KIF22: variants seen among roughly 807,000 people sequenced by gnomAD.
The protein encoded by KIF22 is kinesin family member 22.
KIF22 carries 62 observed loss-of-function variants against 73.0 expected under a neutral mutation model. The observed-to-expected ratio is 0.85, with a 90% CI of 0.69 to 1.05. The LOEUF (loss-of-function observed/expected upper bound fraction) is 1.05, where lower values mean the gene tolerates loss of function less well. Ranked by LOEUF, KIF22 falls within the 50% of genes least tolerant of loss-of-function variation. The pLI, the probability that KIF22 is intolerant of heterozygous loss-of-function variation, is 0.00. For synonymous variants in KIF22, 411 were observed against 340.1 expected, an observed-to-expected ratio of 1.21 and a Z score of -2.29; for missense variants, 854 against 870.1, an observed-to-expected ratio of 0.98 and a Z score of 0.23.
chr16:29,799,210 C>T, intron 5 of KIF22, 26 bp downstream of exon 5: 1 of 1,611,318 alleles, frequency 6.2e-7, no homozygotes, highest in Non-Finnish European at 8.5e-7. Flanking sequence ...GGGGCGAGGA[C>T]CTGGGAAGCC....
intron 1 of KIF22, among the ~76,000 whole-genome samples, chr16:29,791,927 C>T (rs1357976392): frequency 6.6e-6 from 1 of 152,174 alleles, no homozygotes; most frequent in Non-Finnish European, 1.5e-5. Flanking sequence ...AATAATGTCC[C>T]TTCCTCGAGG....
chr16:29,798,287 ACCC>A lies in KIF22; in HGVS notation c.267-86_267-84del. 1.2e-5 allele frequency: 7 copies of A among 590,638 alleles called. No individual in the cohort carries two copies. The highest frequency in any genetic ancestry group is 5.3e-5 in the East Asian group (1 of 18,784). The allele number at this position is 590,638 out of a possible 1,614,324, so 36.6% of individuals were successfully genotyped here. A position where few individuals can be genotyped will look rare whatever the true frequency, so the allele number is the denominator to read the frequency against. On this transcript the variant is annotated intron_variant, in intron 2 of 13. Transcript: ENST00000160827. The surrounding 1 kb of genome is among the most constrained non-coding windows in gnomAD (Gnocchi z 4.1). ...GGTCCAGATGAGAGTAGAATCCCTT[ACCC>A]ACCCCCACCCCACTCCACCCCTTAC...
chr16:29,803,623 A>G lies in KIF22; in HGVS notation c.1609+15A>G, dbSNP rs781602419. ...CCTACAGCTAAGTAAGTTTGACTCCAGGGGCTGGGGGGCCAAGGCAGCTGA... is the reference window on the plus strand; with the variant it reads ...CCTACAGCTAAGTAAGTTTGACTCCGGGGGCTGGGGGGCCAAGGCAGCTGA... On this transcript the variant is annotated intron_variant, in intron 10 of 13. Coordinates refer to ENST00000160827, the MANE Select transcript of KIF22 (RefSeq NM_007317.3). The G allele has an allele frequency of 6.3e-7, 1 of 1,596,488 alleles. No individual in the cohort carries two copies. Among genetic ancestry groups the G allele is most frequent in the Non-Finnish European group, 8.5e-7 (1 of 1,170,994 alleles).
At position 29,797,020 on chromosome 16, in the gene KIF22, G is replaced by A. The variant is rs1007421772; in HGVS notation, c.198G>A (p.Val66=). 1.9e-5 allele frequency: 31 copies of A among 1,613,538 alleles called. No individual in the cohort carries two copies. Among genetic ancestry groups the A allele is most frequent in the Non-Finnish European group, 2.5e-5 (30 of 1,179,748 alleles). ...CGGGAGCAAGTGATCCCCCCTGTGT[G>A]CGGGGCATGGACAGCTGCTCTCTAG... The part of the protein sequence containing the change: ...GTAGASDPPC[V]RGMDSCSLEI... The change falls in exon 2 of 14, where the codon GTG becomes GTA. Residue 66 remains valine, a synonymous_variant. Coordinates refer to ENST00000160827, the MANE Select transcript of KIF22 (RefSeq NM_007317.3). This position sits in a 1 kb window ranked among gnomAD's most constrained non-coding sequence, Gnocchi z 4.1.
In KIF22 at chr16:29,798,747, G is replaced by A; in HGVS notation, c.549G>A (p.Lys183=). The change falls in exon 4 of 14, where the codon AAG becomes AAA. Residue 183 remains lysine, a splice_region_variant and synonymous_variant. Coordinates refer to ENST00000160827, the MANE Select transcript of KIF22 (RefSeq NM_007317.3). The surrounding 1 kb of genome is among the most constrained non-coding windows in gnomAD (Gnocchi z 4.1). ...CTTACCTAGAGATCTACCAGGAGAA[G>A]GTGAGGCCCCGTGCTGGTTGGGAGA... ...TMSYLEIYQE[K]VLDLLDPASG... is the part of the protein sequence containing the mutation. 1 of 1,613,566 alleles carries A rather than the reference G, an allele frequency of 6.2e-7. No homozygotes were observed. The highest frequency in any genetic ancestry group is 8.5e-7 in the Non-Finnish European group (1 of 1,179,726).
chr16:29,799,619 C>T lies in KIF22; in HGVS notation c.991-9C>T. On this transcript the variant is annotated splice_polypyrimidine_tract_variant and intron_variant, in intron 6 of 13. Transcript: ENST00000160827. The stretch of plus-strand genomic sequence containing the variant: ...TTCTGACCCACCCACTGCCTGGTCT[C>T]ACCCTCAGGACTCTCTGGGTGGCTC... 1 of 1,614,000 alleles carries T rather than the reference C, an allele frequency of 6.2e-7. No individual in the cohort carries two copies.
chr16:29,798,788 C>A lies in KIF22; in HGVS notation c.549+41C>A. The stretch of plus-strand genomic sequence containing the variant: ...GGTTGGGAGAGGAGCAACAAAGGGT[C>A]AAAGTAAGACCTGGTTCTAGAACAT... On this transcript the variant is annotated intron_variant, in intron 4 of 13. Coordinates refer to ENST00000160827, the MANE Select transcript of KIF22 (RefSeq NM_007317.3). The surrounding 1 kb of genome is among the most constrained non-coding windows in gnomAD (Gnocchi z 4.1). The A allele has an allele frequency of 6.2e-7, 1 of 1,601,284 alleles. No homozygotes were observed. The highest frequency in any genetic ancestry group is 1.1e-5 in the South Asian group (1 of 89,482).
intron 8 of KIF22, among the ~76,000 whole-genome samples, 178 bp from the exon 9 acceptor site, chr16:29,802,591 G>A (rs541859659): frequency 5.3e-4 from 81 of 152,220 alleles, no homozygotes; most frequent in African/African-American, 1.8e-3. Context: ...TGGCATCCCC[G>A]AGCAGTCACT....
intron 8 of KIF22, among the ~76,000 whole-genome samples, chr16:29,801,300 C>T (rs762543826): frequency 6.6e-5 from 10 of 152,184 alleles, no homozygotes; most frequent in Non-Finnish European, 8.8e-5. Flanking sequence ...CCCTCCACCC[C>T]CCAGGAGCCA....
At chr16:29,792,143 G>A (rs889073115) in intron 1 of KIF22, among the ~76,000 whole-genome samples, 1 of 151,962 alleles carries the variant, frequency 6.6e-6, no homozygotes, top group Non-Finnish European at 1.5e-5. Flanking sequence ...GACAAGAACA[G>A]CAAGTGTTTT....
rs148947920 is a variant in KIF22 at position 29,805,150 on chromosome 16, G to C, written c.1926G>C (p.Gly642=). Reference sequence around the variant, plus strand: ...TGGAACGCGTGGAGGGCATAACGGGGAAACAGATGGAGTCCTTCCTGAAGG... The same window carrying C: ...TGGAACGCGTGGAGGGCATAACGGGCAAACAGATGGAGTCCTTCCTGAAGG... The part of the protein sequence containing the change: ...EDLERVEGIT[G]KQMESFLKAN... The change falls in exon 13 of 14, where the codon GGG becomes GGC. Residue 642 remains glycine, a synonymous_variant. Transcript: ENST00000160827. 7 of 1,613,806 alleles carry C rather than the reference G, an allele frequency of 4.3e-6. No homozygotes were observed. The African/African-American group carries it at 8.0e-5, about 18-fold the overall frequency.
chr16:29,792,200 T>C lies in KIF22; in HGVS notation c.70+1371T>C, dbSNP rs375981156. Among the ~76,000 whole-genome samples the C allele has an allele frequency of 5.2e-4, 79 of 152,282 alleles. 1 individual carries two copies. In the East Asian group the frequency reaches 0.013, roughly 25 times the overall value. On this transcript the variant is annotated intron_variant, in intron 1 of 13. Transcript: ENST00000160827. The stretch of plus-strand genomic sequence containing the variant: ...TCTCTTAGCTCAATTTCCTCATCAA[T>C]AAAAGGGAGAAGAGTGAATGAAATT...
chr16:29,799,883 C>T, intron 7 of KIF22, 30 bp from the exon 8 acceptor site: 1 of 1,613,190 alleles, frequency 6.2e-7, no homozygotes, highest in South Asian at 1.1e-5. Flanking sequence ...CCCCCAATCC[C>T]TCTCTCCACC....
rs747524383 is a variant in KIF22, at chr16:29,805,140, G to A, written c.1916G>A (p.Gly639Asp). The change falls in exon 13 of 14, where the codon GGC (glycine) becomes GAC (aspartate). Residue 639 changes from glycine (G) to aspartate (D), a missense_variant. By Grantham distance (94) the Gly-to-Asp change is moderately conservative. Around this residue, in one of 3 missense-constraint regions of KIF22, gnomAD observed 423 missense variants for 365.4 expected, o/e 1.16. Coordinates refer to ENST00000160827, the MANE Select transcript of KIF22 (RefSeq NM_007317.3). ...GTGGAGGACCTGGAACGCGTGGAGGGCATAACGGGGAAACAGATGGAGTCC... is the reference window on the plus strand; with the variant it reads ...GTGGAGGACCTGGAACGCGTGGAGGACATAACGGGGAAACAGATGGAGTCC... ...SQVEDLERVEGITGKQMESFL... is the reference protein window; with the variant it reads ...SQVEDLERVEDITGKQMESFL... 4 of 1,613,824 alleles carry A rather than the reference G, an allele frequency of 2.5e-6. No individual in the cohort carries two copies. Among genetic ancestry groups the A allele is most frequent in the Non-Finnish European group, 1.7e-6 (2 of 1,179,996 alleles).
chr16:29,805,063 G>T, intron 12 of KIF22, 37 bp downstream of exon 12: 2 of 1,611,274 alleles, frequency 1.2e-6, no homozygotes, highest in African/African-American at 1.3e-5. Context: ...GCGGGGGCGG[G>T]GGAGACCGGG....
chr16:29,804,921 G>C lies in KIF22; in HGVS notation c.1785G>C (p.Leu595=). 1.9e-6 allele frequency: 3 copies of C among 1,611,522 alleles called. No homozygotes were observed. Among genetic ancestry groups the C allele is most frequent in the Non-Finnish European group, 2.5e-6 (3 of 1,179,108 alleles). The change falls in exon 12 of 14, where the codon CTG becomes CTC. Residue 595 remains leucine (L), a synonymous_variant. Coordinates refer to ENST00000160827, the MANE Select transcript of KIF22 (RefSeq NM_007317.3). ...LAHGRQKILD[L]LNEGSARDLR... ...ATGGGCGCCAAAAAATACTGGATCTGCTGAACGAAGGCTCAGCCCGAGATC... is the reference window on the plus strand; with the variant it reads ...ATGGGCGCCAAAAAATACTGGATCTCCTGAACGAAGGCTCAGCCCGAGATC...
rs1177809963 is a variant in KIF22 at position 29,798,222 on chromosome 16, T to G, written c.267-152T>G. On this transcript the variant is annotated intron_variant, in intron 2 of 13. Coordinates refer to ENST00000160827, the MANE Select transcript of KIF22 (RefSeq NM_007317.3). The surrounding 1 kb of genome is among the most constrained non-coding windows in gnomAD (Gnocchi z 4.1). Reference sequence around the variant, plus strand: ...GTTAGGTGGATGCTTTTTAAGGTCTTTGTACAAGAAAGGGGATAGAGACGT... The same window carrying G: ...GTTAGGTGGATGCTTTTTAAGGTCTGTGTACAAGAAAGGGGATAGAGACGT... 5 of 1,410,356 alleles carry G rather than the reference T, an allele frequency of 3.5e-6. No homozygotes were observed. Among genetic ancestry groups the G allele is most frequent in the Non-Finnish European group, 4.7e-6 (5 of 1,070,170 alleles). 87.4% of individuals were successfully genotyped at this position (1,410,356 alleles called of 1,614,324 possible). A position where few individuals can be genotyped will look rare whatever the true frequency, so the allele number is the denominator to read the frequency against.
At chr16:29,805,064 GGAGACCGGGTACCCCC>G (rs1555500155) in intron 12 of KIF22, 35 bp from the exon 13 acceptor site, 1 of 1,609,474 alleles carries the variant, frequency 6.2e-7, no homozygotes, top group African/African-American at 1.3e-5. Context: ...CGGGGGCGGG[GGAGACCGGGTACCCCC>G]GAGACCCTGT....
chr16:29,802,493 T>C (rs1169911051), intron 8 of KIF22, among the ~76,000 whole-genome samples: 2 of 152,070 alleles, frequency 1.3e-5, no homozygotes, highest in African/African-American at 4.8e-5. Context: ...TATTATGGTC[T>C]CTTGATTTCC....
Sources: allele counts gnomAD v4.1 joint callset (sites outside exome capture counted in the v4.1 genomes callset), GRCh38; gene constraint gnomAD v4.1.1; regional missense constraint gnomAD v4.1.1; non-coding constraint Gnocchi (gnomAD v3.1); transcripts MANE v1.5; gene names NCBI Gene and HGNC (gene_info 2026-07-23, HGNC 2026-07-21).